The following NR1H3 variants were observed in gnomAD, a reference collection of about 807,000 sequenced individuals.
NR1H3 encodes the protein oxysterols receptor LXR-alpha.
In NR1H3, 19 loss-of-function variants were observed where a neutral mutation model predicts 48.1. The observed-to-expected ratio is 0.40, with a 90% confidence interval of 0.28 to 0.58. NR1H3 has a LOEUF of 0.58. Ranked by LOEUF, NR1H3 falls within the 20% of genes least tolerant of loss-of-function variation. The pLI is 0.50. For synonymous variants in NR1H3, 232 were observed against 227.3 expected (o/e 1.02, Z -0.19); for missense variants, 486 against 595.9 (o/e 0.82, Z 1.92).
chr11:47,254,461 C>T (rs1344153089), upstream of NR1H3, among the ~76,000 whole-genome samples: 1 of 152,106 alleles, frequency 6.6e-6, no homozygotes, highest in Non-Finnish European at 1.5e-5. Context: ...ACTAGAGTCC[C>T]TGGTTTCTGC....
At chr11:47,268,239 C>T (rs745628096) in intron 8 of NR1H3, 22 bp from the exon 9 acceptor site, 2 of 1,611,536 alleles carry the variant, frequency 1.2e-6, no homozygotes, top group Admixed American at 1.7e-5. Context: ...ACCTGCTCCT[C>T]AACTCTCTTG....
chr11:47,260,580 A>G lies in NR1H3; in HGVS notation c.404A>G (p.His135Arg). 1 of 1,614,162 alleles carries G rather than the reference A, an allele frequency of 6.2e-7. No individual in the cohort carries two copies. The highest frequency in any genetic ancestry group is 8.5e-7 in the Non-Finnish European group (1 of 1,180,044). The stretch of plus-strand genomic sequence containing the variant: ...ATCAAGGGAGCGCACTACATCTGCC[A>G]CAGTGGCGGCCACTGCCCCATGGAC... ...SVIKGAHYIC[H>R]SGGHCPMDTY... The change falls in exon 4 of 10, where the codon CAC (histidine) becomes CGC (arginine). Residue 135 changes from histidine (H) to arginine (R), a missense_variant. By Grantham distance (29) the His-to-Arg change is conservative (BLOSUM62 0). Coordinates refer to ENST00000441012, the MANE Select transcript of NR1H3 (RefSeq NM_005693.4).
At chr11:47,249,097 C>T in intron 1 of NR1H3, 1 of 1,192,566 alleles carries the variant, frequency 8.4e-7, no homozygotes, top group Non-Finnish European at 1.1e-6. Context: ...AATCCCTTAC[C>T]AAGGTGGCAC....
rs77344433 is a variant in NR1H3, at chr11:47,252,068, GAA to G, written c.-93+3080_-93+3081del. On this transcript the variant is annotated intron_variant, in intron 1 of 8. Coordinates refer to the NR1H3 transcript ENST00000395397. ...TAACTACAGGTGCAAAAAAAAAAAA[GAA>G]AAAAAAAAAACACATGTAGATAGAT... 1.2e-4 allele frequency among the ~76,000 whole-genome samples: 16 copies of G among 128,674 alleles called. No homozygotes were observed. In the East Asian group the frequency reaches 3.3e-3, roughly 26 times the overall value. 84.4% of individuals were successfully genotyped at this position (128,674 alleles called of 152,430 possible). A position where few individuals can be genotyped will look rare whatever the true frequency, so the allele number is the denominator to read the frequency against.
At chr11:47,250,030 G>A (rs943839906) in intron 1 of NR1H3, among the ~76,000 whole-genome samples, 1 of 152,156 alleles carries the variant, frequency 6.6e-6, no homozygotes, top group Non-Finnish European at 1.5e-5. Context: ...AACTCGGAAA[G>A]CGGAGGTTGC....
upstream of NR1H3, among the ~76,000 whole-genome samples, chr11:47,256,801 G>T (rs571671396): frequency 6.6e-6 from 1 of 150,650 alleles, no homozygotes; most frequent in African/African-American, 2.4e-5. Flanking sequence ...CGCAATCTCG[G>T]CTCACTGCAA....
chr11:47,257,652 G>A, upstream of NR1H3: 1 of 985,636 alleles, frequency 1.0e-6, no homozygotes, highest in Non-Finnish European at 1.2e-6. Context: ...ATGGAGGGGA[G>A]GGAACACGAT....
At chr11:47,259,084 GTTGATA>G (rs1409786322) in intron 1 of NR1H3, 90 bp from the exon 2 acceptor site, 18 of 1,577,024 alleles carry the variant, frequency 1.1e-5, no homozygotes, top group Admixed American at 1.8e-5. Flanking sequence ...AGCTGATATT[GTTGATA>G]TTGATAAAAG....
At chr11:47,255,716 G>A (rs1173519470), upstream of NR1H3, among the ~76,000 whole-genome samples, 1 of 149,600 alleles carries the variant, frequency 6.7e-6, no homozygotes, top group East Asian at 2.0e-4. Flanking sequence ...TGCCCGGGCT[G>A]GAGGGCAATG....
chr11:47,262,104 G>T, intron 7 of NR1H3, 86 bp downstream of exon 7: 1 of 1,019,370 alleles, frequency 9.8e-7, no homozygotes, highest in Non-Finnish European at 1.5e-6. Flanking sequence ...TGAGGGCCAG[G>T]CGCGGTGGCT....
Position 47,259,212 on chromosome 11 carries a change from A to G in NR1H3, c.-5A>G. ...CCTTGGTAATGACCAGGGCTCCAGG[A>G]AGAGATGTCCTTGTGGCTGGGGGCC... On this transcript the variant is annotated 5_prime_UTR_variant, in exon 2 of 10. Coordinates refer to ENST00000441012, the MANE Select transcript of NR1H3 (RefSeq NM_005693.4). 1 of 1,614,168 alleles carries G rather than the reference A, an allele frequency of 6.2e-7. No individual in the cohort carries two copies.
chr11:47,248,408 G>GA (rs1954302355), upstream of NR1H3: 1 of 1,528,078 alleles, frequency 6.5e-7, no homozygotes, highest in Non-Finnish European at 8.8e-7. Context: ...GACAACTGGG[G>GA]AAAAAAGATA....
chr11:47,257,615 C>T, upstream of NR1H3: 1 of 981,910 alleles, frequency 1.0e-6, no homozygotes, highest in Non-Finnish European at 1.2e-6. Context: ...CCGGGCCGTG[C>T]TGGGACCTTT....
chr11:47,268,767 G>GA lies in NR1H3; in HGVS notation c.*73dup. ...GCCTGGTGGCTGCCTCCTAGAAGTG[G>GA]AACAGACTGAGAAGGGCAAACATTC... On this transcript the variant is annotated 3_prime_UTR_variant, in exon 10 of 10. Transcript: ENST00000441012. The GA allele has an allele frequency of 6.4e-7, 1 of 1,550,768 alleles. No individual in the cohort carries two copies. The highest frequency in any genetic ancestry group is 8.8e-7 in the Non-Finnish European group (1 of 1,142,126).
intron 2 of NR1H3, 46 bp from the exon 3 acceptor site, chr11:47,259,745 C>T (rs375008399): frequency 1.6e-4 from 265 of 1,609,564 alleles, no homozygotes; most frequent in African/African-American, 6.4e-4. Context: ...GCCGTGGAGC[C>T]GGGATGGGGC....
At chr11:47,249,203 A>G (rs992981216) in intron 1 of NR1H3, among the ~76,000 whole-genome samples, 1 of 152,102 alleles carries the variant, frequency 6.6e-6, no homozygotes, top group African/African-American at 2.4e-5. Flanking sequence ...GGGATGGGAA[A>G]GTAGAGGTCG....
upstream of NR1H3, among the ~76,000 whole-genome samples, chr11:47,253,517 T>C (rs1407776871): frequency 6.6e-6 from 1 of 152,134 alleles, no homozygotes; most frequent in African/African-American, 2.4e-5. Context: ...TACGCAGTGG[T>C]CTGCAAGATG....
chr11:47,261,133 G>T, intron 4 of NR1H3, 108 bp from the exon 5 acceptor site: 1 of 803,166 alleles, frequency 1.2e-6, no homozygotes. Context: ...CTTTTCTGGA[G>T]CCCCAAACCA....
upstream of NR1H3, among the ~76,000 whole-genome samples, chr11:47,255,559 T>C (rs903633515): frequency 1.4e-5 from 1 of 70,518 alleles, no homozygotes; most frequent in Admixed American, 1.4e-4. Context: ...CTTTCTTTCT[T>C]TCTTTCTTTC....
Sources: gnomAD v4.1 joint callset for allele counts (sites outside exome capture counted in the v4.1 genomes callset) on GRCh38, gnomAD v4.1.1 for gene constraint, MANE v1.5 for transcripts, NCBI Gene and HGNC (gene_info 2026-07-23, HGNC 2026-07-21) for gene names.